Variants in SNX29 observed in about 807,000 individuals in gnomAD.
SNX29 encodes sorting nexin-29.
SNX29 carries 78 observed loss-of-function variants against 102.1 expected under a neutral mutation model. The observed-to-expected ratio is 0.76, with a 90% CI of 0.64 to 0.92. The LOEUF is 0.92. Ranked by LOEUF, SNX29 falls within the 40% of genes least tolerant of loss-of-function variation. The pLI is 0.00. For missense variants in SNX29, 1,280 were observed against 1,061.7 expected, an observed-to-expected ratio of 1.21 and a Z score of -2.86; for synonymous variants, 580 against 414.5, an observed-to-expected ratio of 1.40 and a Z score of -4.85.
At chr16:12,180,798 T>A (rs1394709863) in intron 13 of SNX29, among the ~76,000 whole-genome samples, 3 of 152,142 alleles carry the variant, frequency 2.0e-5, no homozygotes, top group Non-Finnish European at 4.4e-5. Context: ...TGCTTCTCTT[T>A]ATGTGTAGTT....
intron 14 of SNX29, among the ~76,000 whole-genome samples, chr16:12,259,875 A>G (rs1012236343): frequency 6.8e-6 from 1 of 146,974 alleles, no homozygotes; most frequent in African/African-American, 2.5e-5. Flanking sequence ...GATATAATGG[A>G]CCTCTCTGCT....
intron 13 of SNX29, among the ~76,000 whole-genome samples, chr16:12,183,435 C>A (rs568385990): frequency 6.6e-6 from 1 of 151,864 alleles, no homozygotes; most frequent in Non-Finnish European, 1.5e-5. Flanking sequence ...GCATATTTCT[C>A]AGTGTTTTTC....
intron 3 of SNX29, among the ~76,000 whole-genome samples, chr16:12,024,953 C>G (rs143106785): frequency 6.6e-6 from 1 of 151,950 alleles, no homozygotes; most frequent in African/African-American, 2.4e-5. Context: ...GTTTTGGTTT[C>G]TGTGGTATTT....
intron 13 of SNX29, among the ~76,000 whole-genome samples, chr16:12,189,292 G>T (rs938773564): frequency 1.3e-5 from 2 of 152,092 alleles, no homozygotes; most frequent in African/African-American, 4.8e-5. Flanking sequence ...GTCTTTTCTT[G>T]CAAAATGGTT....
intron 1 of SNX29, among the ~76,000 whole-genome samples, chr16:11,977,220 C>A (rs1333445396): frequency 1.3e-5 from 2 of 152,114 alleles, no homozygotes; most frequent in Non-Finnish European, 2.9e-5. Context: ...TCCCCGCTAC[C>A]CAGGCCCCTG....
intron 18 of SNX29, among the ~76,000 whole-genome samples, chr16:12,405,276 A>T (rs2084114142): frequency 1.3e-5 from 2 of 152,176 alleles, no homozygotes; most frequent in South Asian, 4.1e-4. Context: ...TTACCCCATG[A>T]AGCAACTTGG....
At chr16:12,329,099 C>T (rs2081215188) in intron 15 of SNX29, among the ~76,000 whole-genome samples, 1 of 151,606 alleles carries the variant, frequency 6.6e-6, no homozygotes, top group African/African-American at 2.4e-5. Context: ...TCAGGAGACC[C>T]AGTCTCTACA....
At chr16:12,116,845 A>T (rs2664186) in intron 11 of SNX29, among the ~76,000 whole-genome samples, 18 of 150,402 alleles carry the variant, frequency 1.2e-4, no homozygotes, top group African/African-American at 3.2e-4. Flanking sequence ...TGCTTCAACG[A>T]GGACGAACCA....
intron 13 of SNX29, among the ~76,000 whole-genome samples, chr16:12,169,785 C>T (rs1276338146): frequency 1.3e-5 from 2 of 151,942 alleles, no homozygotes; most frequent in Non-Finnish European, 2.9e-5. Flanking sequence ...TCACTTGAAC[C>T]CCAGAGGCGG....
intron 13 of SNX29, among the ~76,000 whole-genome samples, chr16:12,173,016 A>G (rs908964301): frequency 6.6e-6 from 1 of 152,258 alleles, no homozygotes; most frequent in Non-Finnish European, 1.5e-5. Context: ...GGGTGTACAC[A>G]CAGACCAGGT....
chr16:12,419,562 GC>G (rs34648432), intron 18 of SNX29, among the ~76,000 whole-genome samples: 69,961 of 147,444 alleles, frequency 0.47, 16,671 homozygotes, highest in Non-Finnish European at 0.52. Context: ...ATCAGACTCA[GC>G]CCCCCCCCCC....
intron 14 of SNX29, among the ~76,000 whole-genome samples, chr16:12,246,740 G>T (rs1212677818): frequency 1.3e-5 from 2 of 152,220 alleles, no homozygotes; most frequent in African/African-American, 4.8e-5. Flanking sequence ...GGGCCAATTG[G>T]TGGTATTCTT....
At chr16:12,045,693 G>C (rs1019560030) in intron 5 of SNX29, among the ~76,000 whole-genome samples, 41 of 150,826 alleles carry the variant, frequency 2.7e-4, no homozygotes, top group African/African-American at 9.5e-4. Flanking sequence ...GTACAGTGGC[G>C]CGATCTCTGC....
At chr16:12,005,328 G>A (rs1478575096) in intron 3 of SNX29, among the ~76,000 whole-genome samples, 1 of 152,146 alleles carries the variant, frequency 6.6e-6, no homozygotes, top group African/African-American at 2.4e-5. Flanking sequence ...ATGATCCTGT[G>A]TCTAAGTCCT....
chr16:12,282,741 C>A (rs1008832947), intron 15 of SNX29, among the ~76,000 whole-genome samples: 1 of 152,172 alleles, frequency 6.6e-6, no homozygotes, highest in Admixed American at 6.5e-5. Context: ...CTGCAACCTC[C>A]CCCTCCCAGG....
At position 12,423,592 on chromosome 16, in the gene SNX29, A is replaced by G. The variant is rs557940319; in HGVS notation, c.2037+20063A>G. On this transcript the variant is annotated intron_variant, in intron 18 of 20. Transcript: ENST00000566228. ...TTTTTTTCTTCTTCTTCTTCTCGAG[A>G]TGGAGTCTGGCTCTGTCGCCCAGGC... Among the ~76,000 whole-genome samples the G allele has an allele frequency of 4.6e-5, 7 of 152,052 alleles. No homozygotes were observed. The South Asian group carries it at 1.0e-3, about 23-fold the overall frequency.
chr16:12,133,280 GGTT>G (rs1340866074), intron 13 of SNX29, among the ~76,000 whole-genome samples: 1 of 119,372 alleles, frequency 8.4e-6, no homozygotes, highest in Non-Finnish European at 1.6e-5. Context: ...CCTTAGTGTG[GGTT>G]TTTTTTTTTT....
intron 19 of SNX29, among the ~76,000 whole-genome samples, chr16:12,517,720 G>A (rs2089927081): frequency 6.6e-6 from 1 of 152,156 alleles, no homozygotes; most frequent in South Asian, 2.1e-4. Context: ...AGGTGGGGGA[G>A]TTAGCAAGAG....
At chr16:12,203,124 A>G (rs534856990) in intron 14 of SNX29, among the ~76,000 whole-genome samples, 3 of 145,838 alleles carry the variant, frequency 2.1e-5, no homozygotes, top group African/African-American at 7.8e-5. Context: ...GACTGGTGGC[A>G]TTGGAGGTGA....
Sources: gnomAD v4.1 joint callset for allele counts (sites outside exome capture counted in the v4.1 genomes callset) on GRCh38, gnomAD v4.1.1 for gene constraint, MANE v1.5 for transcripts, NCBI Gene and HGNC (gene_info 2026-07-23, HGNC 2026-07-21) for gene names.